Variants in BNC1 observed in about 807,000 individuals in gnomAD.
The protein encoded by BNC1 is zinc finger protein basonuclin-1.
In BNC1, 8 loss-of-function variants were observed where a neutral mutation model predicts 66.5. The observed-to-expected ratio is 0.12, with a 90% CI of 0.07 to 0.22. BNC1 has a LOEUF of 0.22. Ranked by LOEUF, BNC1 falls within the 10% of genes least tolerant of loss-of-function variation. The pLI is 1.00. For missense variants in BNC1, 1,069 were observed against 1,241.3 expected (o/e 0.86, Z 2.09); for synonymous variants, 454 against 452.6 (o/e 1.00, Z -0.04).
At chr15:83,284,171 C>T (rs2038417410) in intron 1 of BNC1, among the ~76,000 whole-genome samples, 4 of 152,148 alleles carry the variant, frequency 2.6e-5, no homozygotes. Flanking sequence ...GGGCTGAAGC[C>T]TGGGGTGCGG....
At position 83,257,160 on chromosome 15, in the gene BNC1, G is replaced by C. The variant is rs2038082712; in HGVS notation, c.*282C>G. The stretch of plus-strand genomic sequence containing the variant: ...GATCTGCAGACCTGGATCTGTCCCA[G>C]GGAACATGTAAACAAATCTGGGAAA... On this transcript the variant is annotated 3_prime_UTR_variant, in exon 5 of 5. Transcript: ENST00000345382. 3 of 474,520 alleles carry C rather than the reference G, an allele frequency of 6.3e-6. No homozygotes were observed. The highest frequency in any genetic ancestry group is 7.5e-6 in the Non-Finnish European group (2 of 265,458). 29.4% of individuals were successfully genotyped at this position (474,520 alleles called of 1,614,324 possible).
At chr15:83,262,862 T>C in intron 4 of BNC1, 89 bp downstream of exon 4, 1 of 1,337,780 alleles carries the variant, frequency 7.5e-7, no homozygotes, top group South Asian at 1.5e-5. Flanking sequence ...CAGAAGTCTG[T>C]GTTTTAACAA....
At chr15:83,266,067 C>T (rs186554950) in intron 3 of BNC1, among the ~76,000 whole-genome samples, 6 of 152,248 alleles carry the variant, frequency 3.9e-5, no homozygotes, top group African/African-American at 9.6e-5. Context: ...TCTCAGGAAA[C>T]ATGTTCTTTG....
At chr15:83,279,141 T>G (rs560839341) in intron 1 of BNC1, among the ~76,000 whole-genome samples, 2 of 152,268 alleles carry the variant, frequency 1.3e-5, no homozygotes, top group Admixed American at 6.5e-5. Flanking sequence ...CCCTGGTTTT[T>G]TAAAAAAGAG....
intron 1 of BNC1, among the ~76,000 whole-genome samples, chr15:83,272,987 G>T (rs553835372): frequency 1.3e-5 from 2 of 152,056 alleles, no homozygotes; most frequent in African/African-American, 4.8e-5. Context: ...CTTGGGGGGG[G>T]GCCTATACCA....
intron 4 of BNC1, among the ~76,000 whole-genome samples, chr15:83,260,495 T>C (rs1305317793): frequency 5.9e-5 from 9 of 152,222 alleles, no homozygotes; most frequent in Non-Finnish European, 1.0e-4. Flanking sequence ...TCAGAGTTAC[T>C]GGTGTAGACA....
At chr15:83,280,192 T>C (rs561279433) in intron 1 of BNC1, among the ~76,000 whole-genome samples, 1 of 152,330 alleles carries the variant, frequency 6.6e-6, no homozygotes, top group East Asian at 1.9e-4. Flanking sequence ...CAAATATTTC[T>C]TCTTTAAAAA....
rs2038395727 is a variant in BNC1, at chr15:83,283,023, C to T, written c.99+1507G>A. The T allele has an allele frequency of 1.3e-5, 17 of 1,280,290 alleles. No homozygotes were observed. In the Admixed American group the frequency reaches 2.0e-4, roughly 15 times the overall value. The allele number at this position is 1,280,290 out of a possible 1,614,324, so 79.3% of individuals were successfully genotyped here. On this transcript the variant is annotated intron_variant, in intron 1 of 4. Transcript: ENST00000345382. Reference sequence around the variant, plus strand: ...CTTCAGAGGACTGAGGCGAGCACAGCCATAAAACCAGGGGACGTTACCGAA... The same window carrying T: ...CTTCAGAGGACTGAGGCGAGCACAGTCATAAAACCAGGGGACGTTACCGAA...
intron 1 of BNC1, among the ~76,000 whole-genome samples, chr15:83,281,788 G>A (rs1334903682): frequency 1.3e-5 from 2 of 152,160 alleles, no homozygotes; most frequent in Non-Finnish European, 2.9e-5. Context: ...GTGTGCTTAG[G>A]GACAACTACT....
chr15:83,283,230 G>C (rs749550890), intron 1 of BNC1: 1 of 1,535,638 alleles, frequency 6.5e-7, no homozygotes, highest in South Asian at 1.2e-5. Flanking sequence ...AGTTTGGCTC[G>C]GAGCTACGCG....
intron 1 of BNC1, among the ~76,000 whole-genome samples, chr15:83,283,878 GTTT>G (rs1268649248): frequency 1.3e-5 from 2 of 152,204 alleles, no homozygotes; most frequent in Non-Finnish European, 2.9e-5. Context: ...TCAGTCGTGG[GTTT>G]TTTGTTCTTG....
chr15:83,264,249 C>G lies in BNC1; in HGVS notation c.1002G>C (p.Arg334Ser), dbSNP rs756910175. 3 of 1,614,034 alleles carry G rather than the reference C, an allele frequency of 1.9e-6. No individual in the cohort carries two copies. Among genetic ancestry groups the G allele is most frequent in the Non-Finnish European group, 2.5e-6 (3 of 1,180,036 alleles). Reference sequence around the variant, plus strand: ...CTTTGGCCTCAGGGGATAACTGTGTCCTTTCAAACTTAGTGACAATGTTGT... The same window carrying G: ...CTTTGGCCTCAGGGGATAACTGTGTGCTTTCAAACTTAGTGACAATGTTGT... ...SSYNIVTKFERTQLSPEAKVK... is the reference protein window; with the variant it reads ...SSYNIVTKFESTQLSPEAKVK... Residue 334 changes from arginine (R) to serine (S), a missense_variant, in exon 4 of 5, where the codon AGG (arginine) becomes AGC (serine). By Grantham distance (110) the Arg-to-Ser change is moderately radical. Transcript: ENST00000345382.
chr15:83,261,943 G>A (rs908475379), intron 4 of BNC1, among the ~76,000 whole-genome samples: 61 of 151,626 alleles, frequency 4.0e-4, no homozygotes, highest in Middle Eastern at 3.4e-3. Flanking sequence ...AATGAGTCAC[G>A]TTTTGGGACG....
intron 1 of BNC1, among the ~76,000 whole-genome samples, chr15:83,279,787 T>C (rs1214908031): frequency 1.3e-5 from 2 of 152,132 alleles, no homozygotes; most frequent in East Asian, 3.9e-4. Flanking sequence ...GCATTTGCAA[T>C]ATAAACACAA....
intron 4 of BNC1, among the ~76,000 whole-genome samples, chr15:83,259,601 TG>T (rs1299840467): frequency 6.6e-6 from 1 of 152,172 alleles, no homozygotes; most frequent in Non-Finnish European, 1.5e-5. Flanking sequence ...GGGGCTGGTA[TG>T]TGCCGACAGA....
chr15:83,284,515 G>A lies in BNC1; in HGVS notation c.99+15C>T, dbSNP rs1283926921. On this transcript the variant is annotated intron_variant, in intron 1 of 4. Transcript: ENST00000345382. The stretch of plus-strand genomic sequence containing the variant: ...CACAGAGAATCCCCGCGCCCGCGGA[G>A]GGCGCCGCGCTTACCTCGGCCATCC... 8.3e-7 allele frequency: 1 copy of A among 1,200,168 alleles called. No individual in the cohort carries two copies. Among genetic ancestry groups the A allele is most frequent in the East Asian group, 5.3e-5 (1 of 18,782 alleles). The allele number at this position is 1,200,168 out of a possible 1,614,324, so 74.3% of individuals were successfully genotyped here.
chr15:83,259,696 A>G (rs2038120477), intron 4 of BNC1, among the ~76,000 whole-genome samples: 2 of 152,326 alleles, frequency 1.3e-5, no homozygotes, highest in African/African-American at 4.8e-5. Flanking sequence ...GGAACCTTGT[A>G]AAGAAAGGTC....
intron 1 of BNC1, among the ~76,000 whole-genome samples, chr15:83,274,248 G>A (rs1380729861): frequency 6.6e-6 from 1 of 152,182 alleles, no homozygotes; most frequent in African/African-American, 2.4e-5. Context: ...TGCCGGGCGT[G>A]GTGGCAGGCG....
intron 4 of BNC1, 104 bp downstream of exon 4, chr15:83,262,847 G>T: frequency 8.2e-7 from 1 of 1,219,704 alleles, no homozygotes; most frequent in Non-Finnish European, 1.1e-6. Context: ...TTCTAGGGTG[G>T]GGCTCAGAAG....
Sources: allele counts gnomAD v4.1 joint callset (sites outside exome capture counted in the v4.1 genomes callset), GRCh38; gene constraint gnomAD v4.1.1; transcripts MANE v1.5; gene names NCBI Gene and HGNC (gene_info 2026-07-23, HGNC 2026-07-21).